The following CHN2 variants were observed in gnomAD, a reference collection of about 807,000 sequenced individuals.
The protein encoded by CHN2 is chimerin 2.
A neutral mutation model predicts 56.3 loss-of-function variants in CHN2; 35 were observed. That is an observed-to-expected ratio of 0.62 (90% CI 0.47 to 0.82). CHN2 has a LOEUF of 0.82. CHN2 is among the 40% of genes least tolerant of loss of function. The pLI, the probability that CHN2 is intolerant of heterozygous loss-of-function variation, is 0.00. For synonymous variants in CHN2, 210 were observed against 212.8 expected, an observed-to-expected ratio of 0.99 and a Z score of 0.12; for missense variants, 491 against 580.5, an observed-to-expected ratio of 0.85 and a Z score of 1.58.
chr7:29,410,928 A>C (rs898264488), intron 6 of CHN2, among the ~76,000 whole-genome samples: 3 of 152,196 alleles, frequency 2.0e-5, no homozygotes, highest in African/African-American at 7.2e-5. Flanking sequence ...TCAAATCCCT[A>C]AACTCTCCTC....
At chr7:29,210,474 T>C (rs866349892) in intron 1 of CHN2, among the ~76,000 whole-genome samples, 1 of 152,054 alleles carries the variant, frequency 6.6e-6, no homozygotes, top group Non-Finnish European at 1.5e-5. Context: ...CCATATGTAC[T>C]TATTATTTAC....
chr7:29,342,140 C>G (rs988345168), intron 1 of CHN2, among the ~76,000 whole-genome samples: 1 of 152,200 alleles, frequency 6.6e-6, no homozygotes, highest in African/African-American at 2.4e-5. Flanking sequence ...TATCTTTATC[C>G]TGTGGTACAG....
chr7:29,147,990 C>T (rs1418299925), intron 2 of CHN2, among the ~76,000 whole-genome samples: 2 of 152,192 alleles, frequency 1.3e-5, no homozygotes, highest in African/African-American at 4.8e-5. Context: ...TCTCTTCCCA[C>T]AGGGCTCTAG....
chr7:29,366,647 G>T (rs546240890), intron 2 of CHN2, among the ~76,000 whole-genome samples: 1 of 152,138 alleles, frequency 6.6e-6, no homozygotes, highest in African/African-American at 2.4e-5. Context: ...TGAGCTAAAG[G>T]GTTGTGGTGA....
At chr7:29,373,328 C>T (rs1799770373) in intron 3 of CHN2, among the ~76,000 whole-genome samples, 1 of 152,050 alleles carries the variant, frequency 6.6e-6, no homozygotes, top group Non-Finnish European at 1.5e-5. Context: ...AGGTGTACCC[C>T]ACTGCACCTG....
chr7:29,301,544 A>T (rs935095789), intron 1 of CHN2, among the ~76,000 whole-genome samples: 41 of 152,118 alleles, frequency 2.7e-4, no homozygotes, highest in Admixed American at 1.4e-3. Flanking sequence ...TGAAGGGAGA[A>T]CCTGCTACAT....
chr7:29,305,275 C>T (rs1049822988), intron 1 of CHN2, among the ~76,000 whole-genome samples: 1 of 152,118 alleles, frequency 6.6e-6, no homozygotes, highest in South Asian at 2.1e-4. Context: ...ATAAAAGATC[C>T]TTATCCAACA....
At chr7:29,262,303 A>G (rs1014729382) in intron 1 of CHN2, among the ~76,000 whole-genome samples, 1 of 152,246 alleles carries the variant, frequency 6.6e-6, no homozygotes, top group African/African-American at 2.4e-5. Flanking sequence ...CATGTAGAAT[A>G]TTTCATATCA....
chr7:29,436,835 C>T (rs1199851666), intron 6 of CHN2, among the ~76,000 whole-genome samples: 1 of 152,044 alleles, frequency 6.6e-6, no homozygotes, highest in African/African-American at 2.4e-5. Context: ...ATTGGGCTTA[C>T]AATACACATT....
chr7:29,507,500 A>G (rs561869112), intron 11 of CHN2, 135 bp downstream of exon 11: 1 of 682,620 alleles, frequency 1.5e-6, no homozygotes, highest in Non-Finnish European at 2.4e-6. Flanking sequence ...GCACAACAAT[A>G]AATAGCTGAC....
chr7:29,442,934 C>CTTTTTTTTTTTCTTTTTTTTT (rs564931650), intron 6 of CHN2, among the ~76,000 whole-genome samples: 1 of 103,068 alleles, frequency 9.7e-6, no homozygotes, highest in African/African-American at 4.8e-5. Context: ...CATTGAATTT[C>CTTTTTTTTTTTCTTTTTTTTT]TTTTTTTTTT....
intron 1 of CHN2, among the ~76,000 whole-genome samples, chr7:29,259,173 C>CA (rs1789333083): frequency 6.6e-6 from 1 of 152,098 alleles, no homozygotes; most frequent in Admixed American, 6.5e-5. Flanking sequence ...GCAAAAAATA[C>CA]AAAAATTAGC....
intron 3 of CHN2, among the ~76,000 whole-genome samples, chr7:29,368,244 C>CA (rs1314388006): frequency 2.0e-5 from 3 of 151,880 alleles, no homozygotes; most frequent in South Asian, 2.1e-4. Context: ...TTGTAAACAC[C>CA]AAAAAATGTG....
At chr7:29,223,194 C>G (rs1021916066) in intron 1 of CHN2, among the ~76,000 whole-genome samples, 1 of 152,132 alleles carries the variant, frequency 6.6e-6, no homozygotes. Context: ...ATGTAAAAGA[C>G]TGACAATGTC....
chr7:29,447,696 G>A (rs977036530), intron 6 of CHN2, among the ~76,000 whole-genome samples: 1 of 152,174 alleles, frequency 6.6e-6, no homozygotes, highest in Non-Finnish European at 1.5e-5. Flanking sequence ...ACAGTTTTTG[G>A]TGAGAGGGAT....
intron 7 of CHN2, among the ~76,000 whole-genome samples, chr7:29,490,238 T>C (rs28497938): frequency 0.16 from 24,110 of 152,042 alleles, 2,056 homozygotes; most frequent in Admixed American, 0.19. Context: ...TCATCTGCTC[T>C]CCAGTCAACA....
chr7:29,282,041 G>T (rs1791764279), intron 1 of CHN2, among the ~76,000 whole-genome samples: 1 of 152,176 alleles, frequency 6.6e-6, no homozygotes, highest in African/African-American at 2.4e-5. Context: ...GAACAGGCCG[G>T]GATGGGAACT....
intron 1 of CHN2, among the ~76,000 whole-genome samples, chr7:29,325,749 T>G (rs1285858954): frequency 6.6e-6 from 1 of 152,108 alleles, no homozygotes; most frequent in Non-Finnish European, 1.5e-5. Context: ...GTCTGAAAAA[T>G]GTTTCCTTCC....
intron 1 of CHN2, among the ~76,000 whole-genome samples, chr7:29,260,261 G>A (rs1789425266): frequency 6.6e-6 from 1 of 152,174 alleles, no homozygotes; most frequent in African/African-American, 2.4e-5. Flanking sequence ...ACAGGTATGA[G>A]CCACCGCACC....
Sources: gnomAD v4.1 joint callset for allele counts (sites outside exome capture counted in the v4.1 genomes callset) on GRCh38, gnomAD v4.1.1 for gene constraint, MANE v1.5 for transcripts, NCBI Gene and HGNC (gene_info 2026-07-23, HGNC 2026-07-21) for gene names.